ARRB1: variants seen among roughly 807,000 people sequenced by gnomAD.
ARRB1 encodes the protein beta-arrestin-1.
Under a neutral mutation model 56.8 loss-of-function variants are expected in ARRB1, and 21 were observed. That is an observed-to-expected ratio of 0.37 (90% CI 0.26 to 0.53). ARRB1 has a LOEUF of 0.53. ARRB1 is among the 20% of genes least tolerant of loss of function. The pLI is 0.88. For missense variants in ARRB1, 424 were observed against 553.7 expected (o/e 0.77, Z 2.35); for synonymous variants, 210 against 218.6 (o/e 0.96, Z 0.35).
At chr11:75,281,657 A>C in intron 6 of ARRB1, 1 of 398,648 alleles carries the variant, frequency 2.5e-6, no homozygotes, top group Non-Finnish European at 4.5e-6. Flanking sequence ...CTTTGATTCC[A>C]GGTTGCCAGG....
chr11:75,294,426 A>G (rs1053902730), intron 1 of ARRB1, among the ~76,000 whole-genome samples: 1 of 151,958 alleles, frequency 6.6e-6, no homozygotes, highest in Non-Finnish European at 1.5e-5. Context: ...ACATGGTGGC[A>G]TGCACCTGTA....
At chr11:75,347,863 C>T (rs1304328033) in intron 1 of ARRB1, among the ~76,000 whole-genome samples, 1 of 152,160 alleles carries the variant, frequency 6.6e-6, no homozygotes, top group South Asian at 2.1e-4. Flanking sequence ...GACTCCACCT[C>T]CTATTCACAT....
In ARRB1 at chr11:75,319,873, T is replaced by C. The variant is rs12277084; in HGVS notation, c.21-29834A>G. Among the ~76,000 whole-genome samples, 513 of 152,160 alleles carry C rather than the reference T, an allele frequency of 3.4e-3. 3 individuals carry two copies. The highest frequency in any genetic ancestry group is 0.012 in the African/African-American group (484 of 41,516). The stretch of plus-strand genomic sequence containing the variant: ...CTTGCCTAGGTGGTGGGGTGGAGGG[T>C]AGCCCCCACCCAGTGCTTCCAGGCC... On this transcript the variant is annotated intron_variant, in intron 1 of 15. Coordinates refer to ENST00000420843, the MANE Select transcript of ARRB1 (RefSeq NM_004041.5).
intron 1 of ARRB1, among the ~76,000 whole-genome samples, chr11:75,293,091 G>C (rs1437810896): frequency 6.6e-6 from 1 of 152,084 alleles, no homozygotes; most frequent in Non-Finnish European, 1.5e-5. Flanking sequence ...AGGGTGGCCA[G>C]GGTAGGAAGT....
In ARRB1 at chr11:75,268,902, G is replaced by A. The variant is rs1946006062; in HGVS notation, c.1080C>T (p.Pro360=). Residue 360 remains proline (P), a synonymous_variant, in exon 14 of 16, where the codon CCC becomes CCT. Transcript: ENST00000420843. ...GATTCTGCTCACCTTCCCGATGCGG[G>A]GGTTCCTCTTTGGGCTTGGGGTGCA... ...TLMHPKPKEE[P]PHREVPENET... 1.9e-6 allele frequency: 3 copies of A among 1,608,852 alleles called. No individual in the cohort carries two copies. The highest frequency in any genetic ancestry group is 1.7e-5 in the Admixed American group (1 of 58,014).
intron 1 of ARRB1, among the ~76,000 whole-genome samples, chr11:75,310,041 A>G (rs955527817): frequency 2.6e-5 from 4 of 152,254 alleles, no homozygotes; most frequent in African/African-American, 9.6e-5. Flanking sequence ...ACCTATCTGG[A>G]GTGACCTTCC....
chr11:75,299,094 T>C (rs996701255), intron 1 of ARRB1, among the ~76,000 whole-genome samples: 3 of 151,952 alleles, frequency 2.0e-5, no homozygotes, highest in African/African-American at 7.3e-5. Flanking sequence ...GAGTGACTGC[T>C]AATTGGTACA....
Position 75,268,880 on chromosome 11 carries a change from TC to T in ARRB1, c.1093+8del. On this transcript the variant is annotated splice_region_variant and intron_variant, in intron 14 of 15. Coordinates refer to ENST00000420843, the MANE Select transcript of ARRB1 (RefSeq NM_004041.5). ...ACCCCTACCCCAGAGACCTACAGAT[TC>T]TGCTCACCTTCCCGATGCGGGGGTT... 6.2e-7 allele frequency: 1 copy of T among 1,608,664 alleles called. No individual in the cohort carries two copies. The highest frequency in any genetic ancestry group is 8.5e-7 in the Non-Finnish European group (1 of 1,178,618).
At chr11:75,321,962 T>G (rs1455625256) in intron 1 of ARRB1, among the ~76,000 whole-genome samples, 2 of 152,266 alleles carry the variant, frequency 1.3e-5, no homozygotes, top group South Asian at 4.1e-4. Flanking sequence ...CAGATCACAG[T>G]GCAAACAGAA....
Position 75,266,238 on chromosome 11 carries a change from C to G in ARRB1, c.1182G>C (p.Gln394His). Reference sequence around the variant, plus strand: ...TGTCATCCTTCATGCCTTTCAGTCTCTGGCGAGCAAAGTCCTCAAATACAA... The same window carrying G: ...TGTCATCCTTCATGCCTTTCAGTCTGTGGCGAGCAAAGTCCTCAAATACAA... ...DDIVFEDFAR[Q>H]RLKGMKDDKE... is the part of the protein sequence containing the mutation. Residue 394 changes from glutamine (Q) to histidine (H), a missense_variant, in exon 16 of 16, where the codon CAG becomes CAC. Coordinates refer to ENST00000420843, the MANE Select transcript of ARRB1 (RefSeq NM_004041.5). 1 of 1,614,210 alleles carries G rather than the reference C, an allele frequency of 6.2e-7. No individual in the cohort carries two copies.
At chr11:75,272,740 G>A (rs1946099130) in intron 12 of ARRB1, 155 bp downstream of exon 12, 3 of 660,136 alleles carry the variant, frequency 4.5e-6, no homozygotes, top group South Asian at 1.8e-5. Flanking sequence ...GGAGAAAGAG[G>A]AACAGAAGGG....
intron 1 of ARRB1, among the ~76,000 whole-genome samples, chr11:75,300,757 G>A (rs1946881280): frequency 6.6e-6 from 1 of 151,534 alleles, no homozygotes; most frequent in Admixed American, 6.6e-5. Context: ...ACGAGGTCAG[G>A]AGATCGAGAC....
intron 10 of ARRB1, 78 bp from the exon 11 acceptor site, chr11:75,274,289 A>G (rs1266319305): frequency 1.8e-5 from 29 of 1,568,766 alleles, no homozygotes; most frequent in Non-Finnish European, 2.5e-5. Context: ...CCAGCAGAAT[A>G]TCTAGTCTGA....
intron 6 of ARRB1, chr11:75,281,608 A>G (rs1946343031): frequency 2.8e-6 from 1 of 351,102 alleles, no homozygotes; most frequent in Non-Finnish European, 5.3e-6. Flanking sequence ...CTTCTCTCCA[A>G]CCCTCAGTTT....
At chr11:75,323,138 G>C (rs1461834772) in intron 1 of ARRB1, among the ~76,000 whole-genome samples, 1 of 152,176 alleles carries the variant, frequency 6.6e-6, no homozygotes, top group Non-Finnish European at 1.5e-5. Context: ...AGCTGCTCCA[G>C]CCCACCTTGT....
At position 75,275,854 on chromosome 11, in the gene ARRB1, G is replaced by A. The variant is rs111632607; in HGVS notation, c.776+985C>T. ...TCCCCAGCCATCCCTGCTGGTATTCGTTATGCAGACGCTGGCACCATCTGC... is the reference window on the plus strand; with the variant it reads ...TCCCCAGCCATCCCTGCTGGTATTCATTATGCAGACGCTGGCACCATCTGC... On this transcript the variant is annotated intron_variant, in intron 10 of 15. Transcript: ENST00000420843. 3.0e-3 allele frequency among the ~76,000 whole-genome samples: 452 copies of A among 152,286 alleles called. 3 individuals carry two copies. Among genetic ancestry groups the A allele is most frequent in the African/African-American group, 0.01 (432 of 41,560 alleles).
intron 1 of ARRB1, among the ~76,000 whole-genome samples, chr11:75,298,890 G>C (rs571723064): frequency 4.3e-4 from 65 of 151,364 alleles, no homozygotes; most frequent in African/African-American, 1.5e-3. Flanking sequence ...ACAACATAAT[G>C]AACCTTGAAA....
chr11:75,267,893 G>A (rs1945966594), intron 14 of ARRB1, among the ~76,000 whole-genome samples, 190 bp from the exon 15 acceptor site: 1 of 152,138 alleles, frequency 6.6e-6, no homozygotes, highest in African/African-American at 2.4e-5. Flanking sequence ...AGGCAGGGAG[G>A]ATGGCACCAG....
rs181453191 is a variant in ARRB1 at position 75,305,463 on chromosome 11, T to C, written c.21-15424A>G. On this transcript the variant is annotated intron_variant, in intron 1 of 15. Transcript: ENST00000420843. ...GGTGGAAATGCTATACAATGGTGTC[T>C]ACTGTTCATCTCTTCCCAACTGCAC... Among the ~76,000 whole-genome samples the C allele has an allele frequency of 1.4e-3, 206 of 152,348 alleles. 2 individuals carry two copies. Among genetic ancestry groups the C allele is most frequent in the Admixed American group, 0.011 (170 of 15,302 alleles).
Sources: gnomAD v4.1 joint callset for allele counts (sites outside exome capture counted in the v4.1 genomes callset) on GRCh38, gnomAD v4.1.1 for gene constraint, MANE v1.5 for transcripts, NCBI Gene and HGNC (gene_info 2026-07-23, HGNC 2026-07-21) for gene names.